PRIMPOL: variants seen among roughly 807,000 people sequenced by gnomAD.
The protein encoded by PRIMPOL is DNA-directed primase/polymerase protein.
A neutral mutation model predicts 63.6 loss-of-function variants in PRIMPOL; 54 were observed. That is an observed-to-expected ratio of 0.85 (90% CI 0.68 to 1.07). PRIMPOL has a LOEUF of 1.07. Among genes scored for constraint, PRIMPOL ranks in the 50% least tolerant of loss-of-function variants. The pLI, the probability that PRIMPOL is intolerant of heterozygous loss-of-function variation, is 0.00. For missense variants in PRIMPOL, 610 were observed against 648.3 expected (o/e 0.94, Z 0.64); for synonymous variants, 197 against 220.2 (o/e 0.89, Z 0.93).
chr4:184,685,807 CTT>C, intron 11 of PRIMPOL, 123 bp downstream of exon 11: 2 of 495,090 alleles, frequency 4.0e-6, no homozygotes, highest in Non-Finnish European at 3.3e-6. Flanking sequence ...TATTAAATTT[CTT>C]TTTTTTTTCC....
chr4:184,687,194 T>A (rs927194712), intron 11 of PRIMPOL, among the ~76,000 whole-genome samples: 1 of 151,974 alleles, frequency 6.6e-6, no homozygotes, highest in Non-Finnish European at 1.5e-5. Context: ...CCTTAGCCTC[T>A]CAAGTAGCTG....
intron 3 of PRIMPOL, among the ~76,000 whole-genome samples, chr4:184,658,964 A>C (rs1747463653): frequency 6.6e-6 from 1 of 152,032 alleles, no homozygotes. Flanking sequence ...GGAATTTACT[A>C]ATCAATTTTA....
At chr4:184,650,460 G>A (rs140633848) in intron 1 of PRIMPOL, among the ~76,000 whole-genome samples, 375 of 151,182 alleles carry the variant, frequency 2.5e-3, no homozygotes, top group African/African-American at 8.7e-3. Context: ...GAGAGTGCTT[G>A]TTTGTGTCCT....
chr4:184,691,829 TTA>T, intron 13 of PRIMPOL, 117 bp downstream of exon 13: 1 of 733,246 alleles, frequency 1.4e-6, no homozygotes, highest in Non-Finnish European at 2.4e-6. Flanking sequence ...TTGTTTTCAC[TTA>T]TGACTGTATT....
At chr4:184,661,299 A>G (rs1217853264) in intron 4 of PRIMPOL, among the ~76,000 whole-genome samples, 1 of 152,254 alleles carries the variant, frequency 6.6e-6, no homozygotes, top group Non-Finnish European at 1.5e-5. Flanking sequence ...AAGATGAGCC[A>G]TAAACCTATG....
At chr4:184,668,828 G>T (rs55635512) in intron 6 of PRIMPOL, among the ~76,000 whole-genome samples, 19,801 of 151,408 alleles carry the variant, frequency 0.13, 1,385 homozygotes, top group Middle Eastern at 0.17. Context: ...TTCTTACTTT[G>T]GTATTTCCAG....
At chr4:184,692,090 GGT>G in intron 13 of PRIMPOL, among the ~76,000 whole-genome samples, 1 of 152,046 alleles carries the variant, frequency 6.6e-6, no homozygotes, top group East Asian at 1.9e-4. Context: ...AATTTTGGTA[GGT>G]ATTACCAGGT....
intron 6 of PRIMPOL, among the ~76,000 whole-genome samples, chr4:184,668,992 C>T (rs1750832549): frequency 6.6e-6 from 1 of 152,110 alleles, no homozygotes; most frequent in African/African-American, 2.4e-5. Flanking sequence ...TATCATGGGC[C>T]ACATTTTCTG....
rs778715103 is a variant in PRIMPOL at position 184,678,205 on chromosome 4, A to T, written c.845-27A>T. Reference sequence around the variant, plus strand: ...AACTAATAACAGAAAACATGCTTTCATATTGTTTTATCAATTTTTGATGTA... The same window carrying T: ...AACTAATAACAGAAAACATGCTTTCTTATTGTTTTATCAATTTTTGATGTA... On this transcript the variant is annotated intron_variant, in intron 7 of 13. Coordinates refer to ENST00000314970, the MANE Select transcript of PRIMPOL (RefSeq NM_152683.4). 1.0e-5 allele frequency: 15 copies of T among 1,452,300 alleles called. No homozygotes were observed. The Admixed American group carries it at 3.1e-4, about 30-fold the overall frequency. The allele number at this position is 1,452,300 out of a possible 1,614,324, so 90.0% of individuals were successfully genotyped here.
At chr4:184,677,510 T>G (rs1307105979) in intron 7 of PRIMPOL, among the ~76,000 whole-genome samples, 4 of 127,308 alleles carry the variant, frequency 3.1e-5, no homozygotes, top group Non-Finnish European at 6.8e-5. Flanking sequence ...TAATATAGTT[T>G]TATATATTAG....
chr4:184,678,522 G>GCA, intron 8 of PRIMPOL, 128 bp downstream of exon 8: 2 of 538,734 alleles, frequency 3.7e-6, no homozygotes, highest in Admixed American at 4.6e-5. Context: ...AGTTCTTACA[G>GCA]CTCTTTTTTT....
At chr4:184,694,348 G>C (rs1166494288) in intron 13 of PRIMPOL, 174 bp from the exon 14 acceptor site, 9 of 1,390,658 alleles carry the variant, frequency 6.5e-6, no homozygotes, top group Admixed American at 5.9e-5. Context: ...AGCAACGTTT[G>C]AATCAGTGCA....
chr4:184,671,888 G>GCC (rs552478163), intron 6 of PRIMPOL, among the ~76,000 whole-genome samples: 19,289 of 150,554 alleles, frequency 0.13, 1,295 homozygotes, highest in Middle Eastern at 0.17. Context: ...GATTACAGGC[G>GCC]CACCACCACG....
chr4:184,651,290 C>CAAAAAAAAAAAAAAAAAAAAAAA (rs1203681677), intron 1 of PRIMPOL, among the ~76,000 whole-genome samples: 7 of 143,928 alleles, frequency 4.9e-5, no homozygotes, highest in African/African-American at 2.0e-4. Context: ...GACTCTGTCT[C>CAAAAAAAAAAAAAAAAAAAAAAA]AAAAAAAAGA....
intron 5 of PRIMPOL, among the ~76,000 whole-genome samples, chr4:184,663,165 C>G (rs891786319): frequency 4.0e-5 from 6 of 151,800 alleles, no homozygotes; most frequent in Non-Finnish European, 8.8e-5. Flanking sequence ...CTGCCTCAGC[C>G]TCCCGAGTAG....
chr4:184,691,198 G>A (rs541606694), intron 11 of PRIMPOL, among the ~76,000 whole-genome samples: 1 of 152,150 alleles, frequency 6.6e-6, no homozygotes, highest in East Asian at 1.9e-4. Context: ...GTTTATCATT[G>A]TGGTCCTGTC....
At chr4:184,672,795 T>C (rs1561008416) in intron 7 of PRIMPOL, among the ~76,000 whole-genome samples, 1 of 152,056 alleles carries the variant, frequency 6.6e-6, no homozygotes, top group Non-Finnish European at 1.5e-5. Flanking sequence ...GTACAGAAAT[T>C]TAAAAAACAG....
rs537196181 is a variant in PRIMPOL at position 184,657,203 on chromosome 4, G to A, written c.63G>A (p.Arg21=). 71 of 1,613,092 alleles carry A rather than the reference G, an allele frequency of 4.4e-5. No homozygotes were observed. The South Asian group carries it at 7.5e-4, about 17-fold the overall frequency. Residue 21 remains arginine, a synonymous_variant, in exon 3 of 14, where the codon AGG becomes AGA. Transcript: ENST00000314970. ...AAGAACGAGCATCTCATTATGAGAG[G>A]AAACCGTTGTCCTCAGTGTATAGAC... is the stretch of plus-strand genomic sequence containing the variant. ...QIEERASHYE[R]KPLSSVYRPR... is the part of the protein sequence containing the mutation.
intron 11 of PRIMPOL, among the ~76,000 whole-genome samples, chr4:184,686,776 A>G (rs1278097224): frequency 6.6e-6 from 1 of 152,140 alleles, no homozygotes; most frequent in African/African-American, 2.4e-5. Context: ...ATTGGGTAGC[A>G]TGGTTCAGTG....
Sources: gnomAD v4.1 joint callset for allele counts (sites outside exome capture counted in the v4.1 genomes callset) on GRCh38, gnomAD v4.1.1 for gene constraint, MANE v1.5 for transcripts, NCBI Gene and HGNC (gene_info 2026-07-23, HGNC 2026-07-21) for gene names.